The following GRXCR1 variants were observed in gnomAD, a reference collection of about 807,000 sequenced individuals.
GRXCR1 encodes the protein glutaredoxin domain-containing cysteine-rich protein 1.
GRXCR1 carries 27 observed loss-of-function variants against 27.3 expected under a neutral mutation model. The observed-to-expected ratio is 0.99, with a 90% CI of 0.73 to 1.37. The LOEUF is 1.37. Ranked by LOEUF, GRXCR1 falls within the 40% of genes most tolerant of loss-of-function variation. The pLI is 0.00. For synonymous variants in GRXCR1, 122 were observed against 131.1 expected (o/e 0.93, Z 0.47); for missense variants, 379 against 354.4 (o/e 1.07, Z -0.56).
chr4:42,941,795 T>C (rs1387185835), intron 1 of GRXCR1, among the ~76,000 whole-genome samples: 1 of 152,036 alleles, frequency 6.6e-6, no homozygotes, highest in Non-Finnish European at 1.5e-5. Context: ...CATCTTATGA[T>C]ACGTATCAAT....
intron 2 of GRXCR1, among the ~76,000 whole-genome samples, chr4:42,963,439 G>A (rs1308434271): frequency 1.3e-5 from 2 of 150,190 alleles, no homozygotes; most frequent in East Asian, 1.9e-4. Context: ...GATAAAGACT[G>A]TATTTTTAGT....
chr4:42,920,802 C>T (rs1480521346), intron 1 of GRXCR1, among the ~76,000 whole-genome samples: 2 of 152,068 alleles, frequency 1.3e-5, no homozygotes, highest in Non-Finnish European at 2.9e-5. Context: ...TACACTAATT[C>T]TGATTAAATC....
intron 2 of GRXCR1, among the ~76,000 whole-genome samples, chr4:42,964,241 T>A (rs1383916352): frequency 6.6e-6 from 1 of 151,890 alleles, no homozygotes; most frequent in Non-Finnish European, 1.5e-5. Context: ...GGTAAAAAAA[T>A]AAATAATAAT....
chr4:43,020,572 A>T lies in GRXCR1; in HGVS notation c.693+153A>T, dbSNP rs1467957909. 2.5e-4 allele frequency among the ~76,000 whole-genome samples: 38 copies of T among 152,174 alleles called. 1 individual carries two copies. Among genetic ancestry groups the T allele is most frequent in the Non-Finnish European group, 5.9e-5 (4 of 68,030 alleles). On this transcript the variant is annotated intron_variant, in intron 3 of 3. Coordinates refer to ENST00000399770, the MANE Select transcript of GRXCR1 (RefSeq NM_001080476.3). The stretch of plus-strand genomic sequence containing the variant: ...CAGTTTTAATTTGATATCTTCTGTT[A>T]TTAGGTTTGTTGCAGCTAGAGTGAC...
intron 1 of GRXCR1, among the ~76,000 whole-genome samples, chr4:42,928,762 G>A (rs1268652267): frequency 1.3e-5 from 2 of 151,902 alleles, no homozygotes; most frequent in African/African-American, 4.8e-5. Context: ...AAACAATTTA[G>A]GATTGGCTCA....
At chr4:42,933,470 A>G (rs1747378987) in intron 1 of GRXCR1, among the ~76,000 whole-genome samples, 1 of 151,948 alleles carries the variant, frequency 6.6e-6, no homozygotes, top group Admixed American at 6.6e-5. Context: ...TGGGATGACT[A>G]CTTGCTCAGT....
intron 1 of GRXCR1, among the ~76,000 whole-genome samples, chr4:42,952,145 T>C (rs1187282387): frequency 6.6e-6 from 1 of 152,210 alleles, no homozygotes; most frequent in Non-Finnish European, 1.5e-5. Context: ...TGCTTGACTC[T>C]ATTGTTTTTC....
chr4:42,929,565 T>C lies in GRXCR1; in HGVS notation c.385-33327T>C, dbSNP rs563235505. The stretch of plus-strand genomic sequence containing the variant: ...TTCCCTTAGAAACTCCTGTATTTAT[T>C]TGGGGAGGATTTGGAGGTTGGGTCT... On this transcript the variant is annotated intron_variant, in intron 1 of 3. Coordinates refer to ENST00000399770, the MANE Select transcript of GRXCR1 (RefSeq NM_001080476.3). Among the ~76,000 whole-genome samples the C allele has an allele frequency of 7.9e-5, 12 of 151,996 alleles. No homozygotes were observed. The South Asian group carries it at 1.7e-3, about 21-fold the overall frequency.
intron 2 of GRXCR1, among the ~76,000 whole-genome samples, chr4:43,010,281 T>C (rs1331537394): frequency 1.3e-5 from 2 of 151,836 alleles, no homozygotes; most frequent in East Asian, 3.9e-4. Context: ...TGAGTGCCTG[T>C]AATGCCAGCT....
chr4:42,897,028 C>G (rs533868702), intron 1 of GRXCR1, among the ~76,000 whole-genome samples: 19 of 152,116 alleles, frequency 1.2e-4, no homozygotes, highest in African/African-American at 4.3e-4. Flanking sequence ...ATATCTCTAT[C>G]TAGATACATA....
At chr4:42,921,514 G>C (rs1445326868) in intron 1 of GRXCR1, among the ~76,000 whole-genome samples, 1 of 152,008 alleles carries the variant, frequency 6.6e-6, no homozygotes, top group Non-Finnish European at 1.5e-5. Flanking sequence ...TAATTCTCTA[G>C]TTAGAATTCA....
intron 2 of GRXCR1, among the ~76,000 whole-genome samples, chr4:43,002,852 T>C (rs1187944378): frequency 6.6e-6 from 1 of 152,234 alleles, no homozygotes; most frequent in Non-Finnish European, 1.5e-5. Flanking sequence ...TGAATGATGA[T>C]ATGGTTTGAC....
rs761388329 is a variant in GRXCR1, at chr4:43,030,550, C to T, written c.*10C>T. ...GAACTGTGCTGGTTAATTGGAGCTT[C>T]TACCCAGGAAAAACCTCATTTTATT... On this transcript the variant is annotated 3_prime_UTR_variant, in exon 4 of 4. Transcript: ENST00000399770. 6.2e-6 allele frequency: 10 copies of T among 1,612,364 alleles called. No individual in the cohort carries two copies. In the East Asian group the frequency reaches 2.2e-4, roughly 36 times the overall value.
intron 2 of GRXCR1, among the ~76,000 whole-genome samples, chr4:42,989,938 G>A (rs545331538): frequency 5.9e-5 from 9 of 151,986 alleles, no homozygotes; most frequent in Admixed American, 1.3e-4. Context: ...ATATTTATAT[G>A]TATGATTTAT....
chr4:42,915,303 T>G (rs1194913324), intron 1 of GRXCR1, among the ~76,000 whole-genome samples: 1 of 152,156 alleles, frequency 6.6e-6, no homozygotes, highest in East Asian at 1.9e-4. Flanking sequence ...TGAAGTGGTA[T>G]GTGAGAGGCA....
chr4:43,009,390 C>T (rs1712667109), intron 2 of GRXCR1, among the ~76,000 whole-genome samples: 1 of 152,076 alleles, frequency 6.6e-6, no homozygotes, highest in Non-Finnish European at 1.5e-5. Flanking sequence ...TCATGCTGTC[C>T]TCCAACTCTC....
At chr4:42,963,988 T>A (rs1394881916) in intron 2 of GRXCR1, among the ~76,000 whole-genome samples, 1 of 151,988 alleles carries the variant, frequency 6.6e-6, no homozygotes, top group Admixed American at 6.6e-5. Context: ...GAACAGGAGA[T>A]GCTCACATTT....
chr4:42,921,146 G>T (rs1000624696), intron 1 of GRXCR1, among the ~76,000 whole-genome samples: 1 of 151,996 alleles, frequency 6.6e-6, no homozygotes, highest in African/African-American at 2.4e-5. Flanking sequence ...CATCATAAAT[G>T]GGATTTGTTC....
intron 2 of GRXCR1, among the ~76,000 whole-genome samples, chr4:43,008,292 A>G (rs1163152645): frequency 2.0e-5 from 3 of 152,136 alleles, no homozygotes; most frequent in African/African-American, 7.2e-5. Context: ...AGGACGGTAT[A>G]TTTACTTTCT....
Sources: allele counts gnomAD v4.1 joint callset (sites outside exome capture counted in the v4.1 genomes callset), GRCh38; gene constraint gnomAD v4.1.1; transcripts MANE v1.5; gene names NCBI Gene and HGNC (gene_info 2026-07-23, HGNC 2026-07-21).